SCAPER: variants seen among roughly 807,000 people sequenced by gnomAD.
SCAPER encodes S-phase cyclin A associated protein in the ER, also known as S phase cyclin A-associated protein in the endoplasmic reticulum.
SCAPER carries 98 observed loss-of-function variants against 182.2 expected under a neutral mutation model. The ratio of observed to expected loss-of-function variants is 0.54; its 90% CI spans 0.46 to 0.64. SCAPER has a LOEUF of 0.64. SCAPER is among the 30% of genes least tolerant of loss of function. SCAPER has a pLI of 0.00. For missense variants in SCAPER, 1,432 were observed against 1,690.0 expected (o/e 0.85, Z 2.68); for synonymous variants, 605 against 564.6 (o/e 1.07, Z -1.01).
At chr15:76,796,099 C>A (rs147672138) in intron 7 of SCAPER, among the ~76,000 whole-genome samples, 1 of 152,056 alleles carries the variant, frequency 6.6e-6, no homozygotes, top group African/African-American at 2.4e-5. Context: ...TGCATTAATT[C>A]GTCAATCTTG....
intron 23 of SCAPER, among the ~76,000 whole-genome samples, chr15:76,535,521 CAAAAAAA>C (rs56660301): frequency 0.21 from 9,648 of 46,262 alleles, 332 homozygotes; most frequent in African/African-American, 0.28. Flanking sequence ...GACTCTGTCT[CAAAAAAA>C]AAAAAAAAAA....
At chr15:76,566,532 C>A (rs1304830308) in intron 23 of SCAPER, among the ~76,000 whole-genome samples, 1 of 152,022 alleles carries the variant, frequency 6.6e-6, no homozygotes, top group East Asian at 1.9e-4. Context: ...TACTGATAAA[C>A]CACAGAAAAG....
intron 5 of SCAPER, among the ~76,000 whole-genome samples, chr15:76,828,104 T>C (rs1191294464): frequency 6.6e-6 from 1 of 152,096 alleles, no homozygotes; most frequent in Non-Finnish European, 1.5e-5. Context: ...TGATGTCCTA[T>C]GTTGTCTTGG....
At position 76,826,289 on chromosome 15, in the gene SCAPER, A is replaced by G. The variant is rs11857800; in HGVS notation, c.393+15445T>C. 8.0e-3 allele frequency among the ~76,000 whole-genome samples: 1,219 copies of G among 151,616 alleles called. 10 individuals are homozygous for G. Among genetic ancestry groups the G allele is most frequent in the African/African-American group, 0.028 (1,156 of 41,322 alleles). On this transcript the variant is annotated intron_variant, in intron 5 of 31. Transcript: ENST00000563290. ...GACATGGATGAAATTGGAAATCATC[A>G]TTCTCAGTAAACTATCGCAAGAACA...
intron 20 of SCAPER, among the ~76,000 whole-genome samples, chr15:76,667,123 T>G (rs1423865530): frequency 6.6e-6 from 1 of 152,176 alleles, no homozygotes; most frequent in Non-Finnish European, 1.5e-5. Flanking sequence ...CCCAAACTCA[T>G]TTTAGTCCAG....
chr15:76,640,277 T>C (rs914875620), intron 21 of SCAPER, among the ~76,000 whole-genome samples: 1 of 152,210 alleles, frequency 6.6e-6, no homozygotes, highest in African/African-American at 2.4e-5. Flanking sequence ...GGATGGGAGA[T>C]AGAATTATGA....
chr15:76,511,869 GTGTATA>G (rs2042064817), intron 23 of SCAPER, among the ~76,000 whole-genome samples: 1 of 96,640 alleles, frequency 1.0e-5, no homozygotes, highest in Non-Finnish European at 2.1e-5. Flanking sequence ...GTGTGTGTGT[GTGTATA>G]TATATATATA....
At chr15:76,698,588 C>A (rs1159727915) in intron 20 of SCAPER, among the ~76,000 whole-genome samples, 1 of 152,100 alleles carries the variant, frequency 6.6e-6, no homozygotes, top group Non-Finnish European at 1.5e-5. Flanking sequence ...AGGGTTTATG[C>A]CAATTTTTGG....
intron 15 of SCAPER, among the ~76,000 whole-genome samples, chr15:76,744,503 C>T (rs1029918736): frequency 3.9e-5 from 6 of 152,018 alleles, no homozygotes; most frequent in Non-Finnish European, 8.8e-5. Flanking sequence ...TCTCAAAAGA[C>T]ATACAAGTGT....
intron 5 of SCAPER, among the ~76,000 whole-genome samples, chr15:76,805,474 G>A (rs2066082694): frequency 6.6e-6 from 1 of 151,650 alleles, no homozygotes; most frequent in Non-Finnish European, 1.5e-5. Flanking sequence ...AGTGTGAAGT[G>A]CTATCATTGG....
chr15:76,503,657 T>C (rs1026803637), intron 24 of SCAPER, among the ~76,000 whole-genome samples: 6 of 152,188 alleles, frequency 3.9e-5, no homozygotes, highest in Admixed American at 6.5e-5. Flanking sequence ...ACGAGGTGAA[T>C]ATGATTACAT....
chr15:76,361,421 C>A (rs957250067), intron 29 of SCAPER, among the ~76,000 whole-genome samples: 1 of 152,212 alleles, frequency 6.6e-6, no homozygotes, highest in East Asian at 1.9e-4. Context: ...CTTGCCTTCA[C>A]CGAGTGCCCA....
At chr15:76,899,876 G>A (rs1323797720) in intron 1 of SCAPER, among the ~76,000 whole-genome samples, 2 of 152,232 alleles carry the variant, frequency 1.3e-5, no homozygotes, top group East Asian at 3.8e-4. Context: ...GGGCCATGAT[G>A]ACGATGGCGG....
At chr15:76,375,878 G>C (rs1255724568) in intron 29 of SCAPER, among the ~76,000 whole-genome samples, 1 of 152,204 alleles carries the variant, frequency 6.6e-6, no homozygotes, top group Non-Finnish European at 1.5e-5. Context: ...CCAGCTACTT[G>C]GGAGGCTGAG....
chr15:76,696,614 C>G (rs2147195269), intron 20 of SCAPER, among the ~76,000 whole-genome samples: 1 of 152,118 alleles, frequency 6.6e-6, no homozygotes, highest in East Asian at 1.9e-4. Flanking sequence ...ATTCATTCTA[C>G]ATGCTTGCTA....
intron 23 of SCAPER, among the ~76,000 whole-genome samples, chr15:76,515,368 T>G (rs2042340005): frequency 6.6e-6 from 1 of 152,210 alleles, no homozygotes. Flanking sequence ...TGTTGGGAGA[T>G]AGATGACCAA....
intron 4 of SCAPER, among the ~76,000 whole-genome samples, chr15:76,857,237 A>C (rs545370276): frequency 7.0e-4 from 106 of 152,096 alleles, no homozygotes; most frequent in Non-Finnish European, 1.3e-3. Context: ...GTTTGGGACC[A>C]GCCTGGCCAA....
rs542910943 is a variant in SCAPER, at chr15:76,667,333, T to A, written c.2509-1544A>T. Among the ~76,000 whole-genome samples, 13 of 152,244 alleles carry A rather than the reference T, an allele frequency of 8.5e-5. No homozygotes were observed. In the South Asian group the frequency reaches 2.7e-3, roughly 32 times the overall value. On this transcript the variant is annotated intron_variant, in intron 20 of 31. Transcript: ENST00000563290. ...TTGGCTGCTCCTTCTAAGTCTTCTT[T>A]GCTAGGTCCTTTTCCTCTTCTTGAC...
chr15:76,528,582 T>C (rs1166418435), intron 23 of SCAPER, among the ~76,000 whole-genome samples: 1 of 152,202 alleles, frequency 6.6e-6, no homozygotes, highest in African/African-American at 2.4e-5. Context: ...TTAAACACTT[T>C]TCAAATGCAT....
Sources: allele counts gnomAD v4.1 joint callset (sites outside exome capture counted in the v4.1 genomes callset), GRCh38; gene constraint gnomAD v4.1.1; transcripts MANE v1.5; gene names NCBI Gene and HGNC (gene_info 2026-07-23, HGNC 2026-07-21).